The following DGKD variants were observed in gnomAD, a reference collection of about 807,000 sequenced individuals.
DGKD encodes the protein DAG kinase delta.
A neutral mutation model predicts 154.4 loss-of-function variants in DGKD; 68 were observed. The observed-to-expected ratio is 0.44, with a 90% CI of 0.36 to 0.54. The LOEUF is 0.54. Ranked by LOEUF, DGKD falls within the 20% of genes least tolerant of loss-of-function variation. DGKD has a pLI of 0.00. For synonymous variants in DGKD, 693 were observed against 638.0 expected, an observed-to-expected ratio of 1.09 and a Z score of -1.30; for missense variants, 1,343 against 1,593.6, an observed-to-expected ratio of 0.84 and a Z score of 2.68.
chr2:233,429,111 G>A (rs1021724192), intron 3 of DGKD: 2 of 985,240 alleles, frequency 2.0e-6, no homozygotes, highest in African/African-American at 1.7e-5. Flanking sequence ...CTCCTTCAGT[G>A]TGTGGGTCAG....
chr2:233,411,296 A>G (rs1270676688), intron 3 of DGKD, among the ~76,000 whole-genome samples: 1 of 152,202 alleles, frequency 6.6e-6, no homozygotes, highest in African/African-American at 2.4e-5. Flanking sequence ...ATCCAATTTT[A>G]TATTCCCACC....
At chr2:233,444,808 G>A (rs975718179) in intron 10 of DGKD, among the ~76,000 whole-genome samples, 2 of 151,488 alleles carry the variant, frequency 1.3e-5, no homozygotes, top group Non-Finnish European at 2.9e-5. Context: ...AGGGCTGTAC[G>A]GTGCTGTAGG....
chr2:233,447,546 A>T, intron 12 of DGKD: 1 of 984,974 alleles, frequency 1.0e-6, no homozygotes, highest in Non-Finnish European at 1.2e-6. Flanking sequence ...TGAGAGGAAG[A>T]GTGTGTGGGG....
At chr2:233,399,527 G>C (rs1192747991) in intron 3 of DGKD, among the ~76,000 whole-genome samples, 2 of 152,216 alleles carry the variant, frequency 1.3e-5, no homozygotes, top group African/African-American at 2.4e-5. Flanking sequence ...CCTGCCTGTG[G>C]TGGGGGAAGG....
chr2:233,458,097 G>A lies in DGKD; in HGVS notation c.2581-187G>A, dbSNP rs1046958355. On this transcript the variant is annotated intron_variant, in intron 21 of 29. Coordinates refer to ENST00000264057, the MANE Select transcript of DGKD (RefSeq NM_152879.3). This position sits in a 1 kb window ranked among gnomAD's most constrained non-coding sequence, Gnocchi z 6.6. ...AGATTCAGTAACTTTGCCGAGATGA[G>A]AGCTGGGATTTGGTCCCAGGCAGCT... 7 of 535,514 alleles carry A rather than the reference G, an allele frequency of 1.3e-5. No individual in the cohort carries two copies. The highest frequency in any genetic ancestry group is 9.2e-5 in the Admixed American group (3 of 32,530). 33.2% of individuals were successfully genotyped at this position (535,514 alleles called of 1,614,324 possible). A position where few individuals can be genotyped will look rare whatever the true frequency, so the allele number is the denominator to read the frequency against.
intron 24 of DGKD, among the ~76,000 whole-genome samples, chr2:233,461,207 C>T (rs868803436): frequency 2.6e-5 from 4 of 152,354 alleles, no homozygotes; most frequent in South Asian, 2.1e-4. Flanking sequence ...TCCGCCGGTG[C>T]GGGGCCTGCC....
At chr2:233,422,403 A>G (rs542181527) in intron 3 of DGKD, among the ~76,000 whole-genome samples, 81 of 152,340 alleles carry the variant, frequency 5.3e-4, no homozygotes, top group Non-Finnish European at 9.4e-4. Flanking sequence ...GAGCAGCTCA[A>G]CCGGAGGGCG....
chr2:233,363,147 G>A (rs1184224219), intron 1 of DGKD, among the ~76,000 whole-genome samples: 1 of 152,174 alleles, frequency 6.6e-6, no homozygotes, highest in Non-Finnish European at 1.5e-5. Flanking sequence ...TCCTTCAGGA[G>A]GTATCCAGAA....
At chr2:233,430,371 G>T (rs1258073206) in intron 3 of DGKD, among the ~76,000 whole-genome samples, 2 of 152,176 alleles carry the variant, frequency 1.3e-5, no homozygotes, top group Non-Finnish European at 2.9e-5. Context: ...CTATACAGTG[G>T]AGTACTGTGC....
intron 3 of DGKD, among the ~76,000 whole-genome samples, chr2:233,421,154 C>T (rs1006918714): frequency 2.0e-5 from 3 of 152,158 alleles, no homozygotes; most frequent in Admixed American, 1.3e-4. Context: ...AGACTTTAAT[C>T]GACACCGTGC....
chr2:233,371,268 T>G (rs1702307310), intron 1 of DGKD, among the ~76,000 whole-genome samples: 2 of 151,994 alleles, frequency 1.3e-5, no homozygotes, highest in African/African-American at 2.4e-5. Context: ...TTTAAGAATA[T>G]TATATTATTC....
At chr2:233,447,532 T>C (rs2063123215) in intron 12 of DGKD, 1 of 985,270 alleles carries the variant, frequency 1.0e-6, no homozygotes, top group Non-Finnish European at 1.2e-6. Context: ...AAAAATTTTT[T>C]TTTTGAGAGG....
Position 233,434,840 on chromosome 2 carries a change from C to G in DGKD, c.525C>G (p.Thr175=). The part of the protein sequence containing the change: ...NWYACSHARP[T]YCNVCREALS... ...ACGCCTGTTCCCACGCGAGGCCGAC[C>G]TACTGCAATGTGTGCCGTGAGGCTC... Residue 175 remains threonine (T), a synonymous_variant, in exon 5 of 30, where the codon ACC becomes ACG. Transcript: ENST00000264057. 2 of 1,614,242 alleles carry G rather than the reference C, an allele frequency of 1.2e-6. No homozygotes were observed. The highest frequency in any genetic ancestry group is 8.5e-7 in the Non-Finnish European group (1 of 1,180,048).
intron 18 of DGKD, chr2:233,454,454 C>CAGTTCCAGGGATGGT (rs2063390495): frequency 1.4e-5 from 7 of 483,634 alleles, no homozygotes; most frequent in Non-Finnish European, 3.0e-5. Flanking sequence ...AGACGAGAGG[C>CAGTTCCAGGGATGGT]GCCAGGGATG....
intron 3 of DGKD, among the ~76,000 whole-genome samples, chr2:233,394,688 TCC>T (rs760258457): frequency 5.1e-5 from 4 of 78,702 alleles, no homozygotes; most frequent in Non-Finnish European, 7.0e-5. Context: ...TGAATTTAAT[TCC>T]CTTTTTTTTT....
At chr2:233,382,451 A>G (rs1702951255) in intron 1 of DGKD, among the ~76,000 whole-genome samples, 1 of 152,178 alleles carries the variant, frequency 6.6e-6, no homozygotes, top group Non-Finnish European at 1.5e-5. Context: ...AAGGACAGAT[A>G]GGTGGCTGAA....
Position 233,388,361 on chromosome 2 carries a change from G to C in DGKD, c.261G>C (p.Thr87=), listed in dbSNP as rs370379069. Residue 87 remains threonine, a synonymous_variant, in exon 2 of 30, where the codon ACG becomes ACC. Coordinates refer to ENST00000264057, the MANE Select transcript of DGKD (RefSeq NM_152879.3). ...LRGRTLYYAK[T]AKSIIFDEVD... is the part of the protein sequence containing the mutation. Reference sequence around the variant, plus strand: ...GGCGAACGCTTTACTATGCCAAAACGGCAAAGGTGAGGCCCCATGCAGGAA... The same window carrying C: ...GGCGAACGCTTTACTATGCCAAAACCGCAAAGGTGAGGCCCCATGCAGGAA... 1 of 1,612,718 alleles carries C rather than the reference G, an allele frequency of 6.2e-7. No homozygotes were observed. The highest frequency in any genetic ancestry group is 8.5e-7 in the Non-Finnish European group (1 of 1,179,388).
rs1259645190 is a variant in DGKD, at chr2:233,469,683, AAAC to A, written c.*228_*230del. 1.8e-6 allele frequency: 1 copy of A among 555,622 alleles called. No individual in the cohort carries two copies. The highest frequency in any genetic ancestry group is 1.9e-5 in the African/African-American group (1 of 52,836). The allele number at this position is 555,622 out of a possible 1,614,324, so 34.4% of individuals were successfully genotyped here. ...GAACATAACAACACAGCTACCTTTGAAACAACACTTTCTCCAGCTCAGAGTCAC... is the reference window on the plus strand; with the variant it reads ...GAACATAACAACACAGCTACCTTTGAAACACTTTCTCCAGCTCAGAGTCAC... On this transcript the variant is annotated 3_prime_UTR_variant, in exon 30 of 30. Coordinates refer to ENST00000264057, the MANE Select transcript of DGKD (RefSeq NM_152879.3).
At position 233,455,364 on chromosome 2, in the gene DGKD, G is replaced by A. The variant is rs144548018; in HGVS notation, c.2375+491G>A. ...CCAAGGGGCATCACTGGGGGTTTCA[G>A]TTTTTTTCCTCTAAAATTACTGGAT... is the stretch of plus-strand genomic sequence containing the variant. On this transcript the variant is annotated intron_variant, in intron 19 of 29. Transcript: ENST00000264057. 5.7e-3 allele frequency among the ~76,000 whole-genome samples: 870 copies of A among 152,252 alleles called. 10 individuals are homozygous for A. The highest frequency in any genetic ancestry group is 0.02 in the African/African-American group (813 of 41,556).
Sources: gnomAD v4.1 joint callset for allele counts (sites outside exome capture counted in the v4.1 genomes callset) on GRCh38, gnomAD v4.1.1 for gene constraint, Gnocchi (gnomAD v3.1) non-coding constraint, MANE v1.5 for transcripts, NCBI Gene and HGNC (gene_info 2026-07-23, HGNC 2026-07-21) for gene names.